GPHN: variants seen among roughly 807,000 people sequenced by gnomAD.
The protein encoded by GPHN is gephyrin.
Under a neutral mutation model 95.5 loss-of-function variants are expected in GPHN, and 17 were observed. The observed-to-expected ratio is 0.18, with a 90% CI of 0.12 to 0.27. The LOEUF is 0.27. Among genes scored for constraint, GPHN ranks in the 10% least tolerant of loss-of-function variants. The pLI is 1.00. For synonymous variants in GPHN, 320 were observed against 322.5 expected (o/e 0.99, Z 0.08); for missense variants, 660 against 978.1 (o/e 0.67, Z 4.34).
At chr14:67,279,804 G>T in the GPHN span, 1 of 360,972 alleles carries the variant, frequency 2.8e-6, no homozygotes, top group African/African-American at 2.1e-5. Flanking sequence ...AACATTTAAA[G>T]CCTTGAAATT....
chr14:66,695,084 A>C (rs1248838037), intron 2 of GPHN, among the ~76,000 whole-genome samples: 1 of 152,094 alleles, frequency 6.6e-6, no homozygotes, highest in East Asian at 1.9e-4. Context: ...GCTTGAACCC[A>C]GGAGGCGGAG....
the GPHN span, among the ~76,000 whole-genome samples, chr14:67,712,371 T>C: frequency 1.3e-5 from 2 of 152,086 alleles, no homozygotes; most frequent in East Asian, 3.9e-4. Context: ...TTTTTTGTTT[T>C]TTAATAAAGA....
chr14:66,973,500 T>C (rs1233213302), intron 9 of GPHN, among the ~76,000 whole-genome samples: 1 of 152,226 alleles, frequency 6.6e-6, no homozygotes, highest in East Asian at 1.9e-4. Context: ...GGCTCACACC[T>C]GTAATTCCAG....
the GPHN span, chr14:67,471,854 A>T: frequency 6.6e-6 from 1 of 152,308 alleles, no homozygotes; most frequent in Non-Finnish European, 1.5e-5. Flanking sequence ...AATGATCCAT[A>T]AAAAGGGGAA....
chr14:66,547,511 G>A (rs1328458562), intron 1 of GPHN, among the ~76,000 whole-genome samples: 1 of 152,146 alleles, frequency 6.6e-6, no homozygotes, highest in Non-Finnish European at 1.5e-5. Context: ...AAATAGACAA[G>A]TTTTGGCAAG....
At chr14:67,725,929 T>C in the GPHN span, 2 of 776,228 alleles carry the variant, frequency 2.6e-6, no homozygotes, top group African/African-American at 1.7e-5. Context: ...GTGACTCCTA[T>C]CAAAATGTTA....
chr14:67,159,227 C>G lies in GPHN; in HGVS notation c.1837-188C>G, dbSNP rs994107131. ...TCATCATATACCAAGTGTTAAGTAA[C>G]TATTTATTGAATGAATAAATGGATA... is the stretch of plus-strand genomic sequence containing the variant. On this transcript the variant is annotated intron_variant, in intron 18 of 22. Transcript: ENST00000478722. Among the ~76,000 whole-genome samples the G allele has an allele frequency of 2.6e-5, 4 of 152,146 alleles. 1 individual carries two copies. In the Middle Eastern group the frequency reaches 0.014, roughly 518 times the overall value.
intron 8 of GPHN, among the ~76,000 whole-genome samples, chr14:66,944,782 C>G (rs2067645190): frequency 6.6e-6 from 1 of 152,248 alleles, no homozygotes. Flanking sequence ...CACTTTCCCA[C>G]AGAGTGAAAC....
At chr14:66,518,187 G>C (rs2139774391) in intron 1 of GPHN, among the ~76,000 whole-genome samples, 1 of 151,426 alleles carries the variant, frequency 6.6e-6, no homozygotes, top group South Asian at 2.1e-4. Flanking sequence ...AAAAAGATGG[G>C]ATATTTCTCA....
intron 2 of GPHN, among the ~76,000 whole-genome samples, chr14:66,734,266 CCTT>C (rs2072057038): frequency 6.6e-6 from 1 of 152,094 alleles, no homozygotes; most frequent in African/African-American, 2.4e-5. Context: ...TGGTTCCTGA[CCTT>C]CTCTCCAATC....
the GPHN span, chr14:67,221,663 C>A: frequency 6.7e-7 from 1 of 1,491,422 alleles, no homozygotes; most frequent in Admixed American, 2.1e-5. Context: ...AAACGTGTTT[C>A]ATTACTACCC....
At chr14:67,432,035 C>T in the GPHN span, among the ~76,000 whole-genome samples, 2 of 152,202 alleles carry the variant, frequency 1.3e-5, no homozygotes, top group Non-Finnish European at 2.9e-5. Flanking sequence ...GAAAATGTCA[C>T]ATAGAACAAA....
chr14:66,640,282 C>A (rs956378573), intron 1 of GPHN, among the ~76,000 whole-genome samples: 3 of 152,042 alleles, frequency 2.0e-5, no homozygotes, highest in Admixed American at 2.0e-4. Context: ...ATTGGCTGGG[C>A]GTGGTGGCAC....
In GPHN at chr14:66,683,413, CAT is replaced by C. The variant is rs143519339; in HGVS notation, c.143+2239_143+2240del. On this transcript the variant is annotated intron_variant, in intron 2 of 22. Transcript: ENST00000478722. ...ATATATGTTCATATATATATATGTT[CAT>C]ATATATATATTCATATTCTTGTGTT... Among the ~76,000 whole-genome samples, 101 of 43,288 alleles carry C rather than the reference CAT, an allele frequency of 2.3e-3. 6 individuals are homozygous for C. Among genetic ancestry groups the C allele is most frequent in the Admixed American group, 2.6e-3 (7 of 2,662 alleles). The allele number at this position is 43,288 out of a possible 152,430, so 28.4% of individuals were successfully genotyped here. A position where few individuals can be genotyped will look rare whatever the true frequency, so the allele number is the denominator to read the frequency against.
chr14:67,199,409 T>G, the GPHN span: 1 of 1,613,874 alleles, frequency 6.2e-7, no homozygotes, highest in Non-Finnish European at 8.5e-7. Context: ...GAAGTTGCTT[T>G]ATGATACTTT....
the GPHN span, among the ~76,000 whole-genome samples, chr14:67,699,346 G>C: frequency 1.3e-5 from 2 of 151,700 alleles, no homozygotes; most frequent in Admixed American, 6.6e-5. Context: ...CTTGAGCCCA[G>C]AAGTTCGAGA....
intron 2 of GPHN, among the ~76,000 whole-genome samples, chr14:66,761,380 C>G (rs2058748185): frequency 6.6e-6 from 1 of 151,972 alleles, no homozygotes; most frequent in Admixed American, 6.6e-5. Context: ...GTAAAATATT[C>G]CCTTTATTAA....
the GPHN span, among the ~76,000 whole-genome samples, chr14:67,726,524 C>T: frequency 5.3e-5 from 8 of 152,132 alleles, no homozygotes; most frequent in East Asian, 1.4e-3. Flanking sequence ...GGTTGGTCCA[C>T]GGAGGTAGGC....
chr14:66,967,151 T>C (rs2153588717), intron 9 of GPHN, among the ~76,000 whole-genome samples: 1 of 152,022 alleles, frequency 6.6e-6, no homozygotes, highest in South Asian at 2.1e-4. Context: ...AGCACTAGAA[T>C]GTATACCTCA....
Sources: allele counts gnomAD v4.1 joint callset (sites outside exome capture counted in the v4.1 genomes callset), GRCh38; gene constraint gnomAD v4.1.1; transcripts MANE v1.5; gene names NCBI Gene and HGNC (gene_info 2026-07-23, HGNC 2026-07-21).